AKAP6: variants seen among roughly 807,000 people sequenced by gnomAD.
AKAP6 encodes the protein A-kinase anchor protein 6.
Under a neutral mutation model 188.5 loss-of-function variants are expected in AKAP6, and 58 were observed. That is an observed-to-expected ratio of 0.31 (90% CI 0.25 to 0.38). The LOEUF is 0.38. Among genes scored for constraint, AKAP6 ranks in the 10% least tolerant of loss-of-function variants. The pLI is 1.00. For synonymous variants in AKAP6, 989 were observed against 998.6 expected (o/e 0.99, Z 0.18); for missense variants, 2,710 against 2,740.0 (o/e 0.99, Z 0.24).
At chr14:32,640,053 G>A (rs146717367) in intron 7 of AKAP6, among the ~76,000 whole-genome samples, 23 of 152,006 alleles carry the variant, frequency 1.5e-4, no homozygotes, top group Non-Finnish European at 2.2e-4. Flanking sequence ...AAATAAAATG[G>A]AAAAGACATT....
At chr14:32,591,797 A>G (rs1885499662) in intron 5 of AKAP6, among the ~76,000 whole-genome samples, 1 of 152,216 alleles carries the variant, frequency 6.6e-6, no homozygotes, top group South Asian at 2.1e-4. Context: ...ACAGATTGTC[A>G]TAACTGATAA....
At chr14:32,652,252 A>C (rs1459112050) in intron 7 of AKAP6, among the ~76,000 whole-genome samples, 1 of 152,158 alleles carries the variant, frequency 6.6e-6, no homozygotes, top group Non-Finnish European at 1.5e-5. Context: ...GAAGCTGAAA[A>C]TAATTTTCAC....
chr14:32,540,192 A>ATATATATATATATATTTT (rs1406480125), intron 3 of AKAP6, among the ~76,000 whole-genome samples: 1 of 123,420 alleles, frequency 8.1e-6, no homozygotes, highest in Non-Finnish European at 1.7e-5. Context: ...ATATATATAT[A>ATATATATATATATATTTT]TTTTAATTTT....
intron 7 of AKAP6, among the ~76,000 whole-genome samples, chr14:32,667,925 A>G (rs1889019398): frequency 6.6e-6 from 1 of 152,142 alleles, no homozygotes. Flanking sequence ...AGTGTTTGCC[A>G]GCATAATTGT....
chr14:32,370,934 T>C (rs568486715), intron 1 of AKAP6, among the ~76,000 whole-genome samples: 2 of 152,296 alleles, frequency 1.3e-5, no homozygotes, highest in South Asian at 4.2e-4. Context: ...TTAATTTCAG[T>C]AGATTCCTGA....
chr14:32,753,798 C>T (rs756406185), intron 11 of AKAP6, among the ~76,000 whole-genome samples: 3 of 151,906 alleles, frequency 2.0e-5, no homozygotes, highest in Non-Finnish European at 4.4e-5. Context: ...ATGGCGTGTT[C>T]TTGCTACCTT....
At position 32,385,925 on chromosome 14, in the gene AKAP6, G is replaced by A. The variant is rs193301177; in HGVS notation, c.-34-47535G>A. 9.1e-4 allele frequency among the ~76,000 whole-genome samples: 135 copies of A among 147,996 alleles called. No homozygotes were observed. In the East Asian group the frequency reaches 0.022, roughly 24 times the overall value. On this transcript the variant is annotated intron_variant, in intron 1 of 13. Transcript: ENST00000280979. ...ATTGTACATGTAGTCATATATTATA[G>A]TTCATATATTATATATTATACATAT...
At chr14:32,667,855 C>G (rs146270831) in intron 7 of AKAP6, among the ~76,000 whole-genome samples, 363 of 152,196 alleles carry the variant, frequency 2.4e-3, no homozygotes, top group African/African-American at 7.9e-3. Context: ...TTAAGGACAA[C>G]TATTTTATAG....
At chr14:32,426,154 G>T (rs906249502) in intron 1 of AKAP6, among the ~76,000 whole-genome samples, 2 of 152,112 alleles carry the variant, frequency 1.3e-5, no homozygotes. Flanking sequence ...CTCTAGTAAA[G>T]GTTCGCACTT....
At chr14:32,749,979 C>A (rs1673024962) in intron 11 of AKAP6, among the ~76,000 whole-genome samples, 1 of 152,148 alleles carries the variant, frequency 6.6e-6, no homozygotes, top group African/African-American at 2.4e-5. Context: ...TGCATTCTAC[C>A]CAAATCTGAC....
intron 11 of AKAP6, among the ~76,000 whole-genome samples, chr14:32,742,854 T>C (rs1442543812): frequency 6.6e-6 from 1 of 152,162 alleles, no homozygotes; most frequent in Non-Finnish European, 1.5e-5. Flanking sequence ...AGCTCTTGGA[T>C]GAAAAGTTCT....
chr14:32,330,331 A>G (rs1262316904), intron 1 of AKAP6, among the ~76,000 whole-genome samples: 1 of 152,038 alleles, frequency 6.6e-6, no homozygotes, highest in East Asian at 1.9e-4. Context: ...AACACGTATC[A>G]TTTTCATTTC....
chr14:32,715,020 C>T (rs1018832125), intron 9 of AKAP6, among the ~76,000 whole-genome samples: 9 of 151,840 alleles, frequency 5.9e-5, no homozygotes, highest in Non-Finnish European at 1.0e-4. Context: ...TTTCAAATTC[C>T]CTACTGGGGA....
chr14:32,350,008 A>G (rs1419544361), intron 1 of AKAP6, among the ~76,000 whole-genome samples: 5 of 152,226 alleles, frequency 3.3e-5, no homozygotes, highest in Non-Finnish European at 5.9e-5. Flanking sequence ...GTATACTAAT[A>G]TAAATGAATA....
At chr14:32,656,514 T>G (rs1055849323) in intron 7 of AKAP6, among the ~76,000 whole-genome samples, 3 of 152,174 alleles carry the variant, frequency 2.0e-5, no homozygotes, top group Non-Finnish European at 4.4e-5. Context: ...AAACTAAGAT[T>G]TATTCAGTCC....
intron 1 of AKAP6, among the ~76,000 whole-genome samples, chr14:32,337,368 A>T (rs1188555000): frequency 6.6e-6 from 1 of 152,176 alleles, no homozygotes; most frequent in Non-Finnish European, 1.5e-5. Flanking sequence ...CAGCTTCTAG[A>T]ACACTGTAGA....
At chr14:32,563,185 C>T (rs1884029394) in intron 4 of AKAP6, among the ~76,000 whole-genome samples, 1 of 152,102 alleles carries the variant, frequency 6.6e-6, no homozygotes, top group Non-Finnish European at 1.5e-5. Context: ...TGAGGGCATT[C>T]TTTGGTGCTG....
chr14:32,813,724 A>T (rs1395628578), intron 12 of AKAP6, among the ~76,000 whole-genome samples: 1 of 152,156 alleles, frequency 6.6e-6, no homozygotes, highest in Non-Finnish European at 1.5e-5. Flanking sequence ...TTACAGTAAG[A>T]AAGGGAAGAA....
rs562338286 is a variant in AKAP6, at chr14:32,582,292, C to T, written c.2469+5050C>T. Among the ~76,000 whole-genome samples, 391 of 152,120 alleles carry T rather than the reference C, an allele frequency of 2.6e-3. 1 individual carries two copies. Among genetic ancestry groups the T allele is most frequent in the African/African-American group, 8.7e-3 (361 of 41,508 alleles). On this transcript the variant is annotated intron_variant, in intron 5 of 13. Coordinates refer to ENST00000280979, the MANE Select transcript of AKAP6 (RefSeq NM_004274.5). ...TGGATATGAAATTCTGAGTTGAAAA[C>T]TCTTTTCTTTAAGAATGTTGAATAT... is the stretch of plus-strand genomic sequence containing the variant.
Sources: allele counts gnomAD v4.1 joint callset (sites outside exome capture counted in the v4.1 genomes callset), GRCh38; gene constraint gnomAD v4.1.1; transcripts MANE v1.5; gene names NCBI Gene and HGNC (gene_info 2026-07-23, HGNC 2026-07-21).